BMPR2: variants seen among roughly 807,000 people sequenced by gnomAD.
BMPR2 encodes bone morphogenetic protein receptor type-2.
BMPR2 carries 29 observed loss-of-function variants against 100.8 expected under a neutral mutation model. That is an observed-to-expected ratio of 0.29 (90% CI 0.21 to 0.39). The LOEUF is 0.39. Ranked by LOEUF, BMPR2 falls within the 10% of genes least tolerant of loss-of-function variation. The pLI, the probability that BMPR2 is intolerant of heterozygous loss-of-function variation, is 1.00. For missense variants in BMPR2, 1,011 were observed against 1,274.5 expected (o/e 0.79, Z 3.15); for synonymous variants, 382 against 442.3 (o/e 0.86, Z 1.71).
Position 202,563,319 on chromosome 2 carries a change from C to T in BMPR2, c.*3373C>T, listed in dbSNP as rs922754480. The T allele has an allele frequency of 2.6e-5, 4 of 152,030 alleles. No homozygotes were observed. Among genetic ancestry groups the T allele is most frequent in the Admixed American group, 1.3e-4 (2 of 15,248 alleles). The allele number at this position is 152,030 out of a possible 1,614,324, so 9.4% of individuals were successfully genotyped here. A position where few individuals can be genotyped will look rare whatever the true frequency, so the allele number is the denominator to read the frequency against. On this transcript the variant is annotated 3_prime_UTR_variant, in exon 13 of 13. Coordinates refer to ENST00000374580, the MANE Select transcript of BMPR2 (RefSeq NM_001204.7). ...GAGCGTGGTGGTGGGCGCCTGTAGT[C>T]CCAGCTACTCAGGAGGCTAAGGCAG...
chr2:202,524,505 G>T (rs1363675734), intron 7 of BMPR2, among the ~76,000 whole-genome samples: 1 of 151,966 alleles, frequency 6.6e-6, no homozygotes, highest in East Asian at 1.9e-4. Flanking sequence ...AATAAAAGAG[G>T]CCAGGTACCA....
rs534613708 is a variant in BMPR2, at chr2:202,524,511, T to C, written c.967+4310T>C. Among the ~76,000 whole-genome samples the C allele has an allele frequency of 1.3e-3, 197 of 151,912 alleles. 1 individual carries two copies. The highest frequency in any genetic ancestry group is 4.4e-3 in the African/African-American group (181 of 41,436). ...TGAGTTTAAAATAAAAGAGGCCAGG[T>C]ACCATGGCTCACACCTGAAATCCCA... On this transcript the variant is annotated intron_variant, in intron 7 of 12. Transcript: ENST00000374580.
intron 3 of BMPR2, among the ~76,000 whole-genome samples, chr2:202,511,461 T>A (rs1477351506): frequency 6.6e-6 from 1 of 152,202 alleles, no homozygotes; most frequent in Non-Finnish European, 1.5e-5. Flanking sequence ...GGTAATTCCA[T>A]GTTTAACTTT....
chr2:202,538,463 A>G (rs1228408233), intron 9 of BMPR2, among the ~76,000 whole-genome samples: 1 of 151,336 alleles, frequency 6.6e-6, no homozygotes, highest in Non-Finnish European at 1.5e-5. Flanking sequence ...TCTCTTAAAG[A>G]AAAAAAAGAA....
chr2:202,467,481 CA>C (rs764947745), intron 2 of BMPR2, 37 bp from the exon 3 acceptor site: 4 of 1,507,346 alleles, frequency 2.7e-6, no homozygotes, highest in Non-Finnish European at 3.7e-6. Context: ...TTTTCTTTAT[CA>C]TATTGTCTCC....
intron 2 of BMPR2, chr2:202,467,135 T>C: frequency 3.4e-6 from 1 of 291,694 alleles, no homozygotes; most frequent in Non-Finnish European, 6.6e-6. Flanking sequence ...TGGTGGCACA[T>C]GCCTGTAATC....
chr2:202,406,196 T>C (rs1690887470), intron 1 of BMPR2, among the ~76,000 whole-genome samples: 2 of 152,234 alleles, frequency 1.3e-5, no homozygotes, highest in Admixed American at 1.3e-4. Context: ...TATAGGCAAG[T>C]AATAGGAGAA....
intron 3 of BMPR2, chr2:202,505,110 C>T: frequency 6.2e-6 from 1 of 162,220 alleles, no homozygotes; most frequent in Non-Finnish European, 1.4e-5. Context: ...ACCAGATAGG[C>T]CTACTGAACC....
intron 3 of BMPR2, among the ~76,000 whole-genome samples, chr2:202,498,062 C>T (rs1198927822): frequency 1.3e-5 from 2 of 152,138 alleles, no homozygotes; most frequent in Non-Finnish European, 2.9e-5. Flanking sequence ...CTCTTCCAAC[C>T]CTGGAGATCC....
intron 1 of BMPR2, among the ~76,000 whole-genome samples, chr2:202,445,056 C>T (rs1333298645): frequency 3.3e-5 from 5 of 149,898 alleles, no homozygotes; most frequent in Admixed American, 1.3e-4. Flanking sequence ...CCAAAGTGCT[C>T]GGATTACGGG....
At chr2:202,390,293 T>C (rs989437498) in intron 1 of BMPR2, among the ~76,000 whole-genome samples, 1 of 151,994 alleles carries the variant, frequency 6.6e-6, no homozygotes, top group African/African-American at 2.4e-5. Context: ...TGTACTGTCA[T>C]TTCTACCAGT....
intron 3 of BMPR2, among the ~76,000 whole-genome samples, chr2:202,473,795 T>TAAATAAAATA (rs537405726): frequency 0.011 from 1,309 of 124,234 alleles, 7 homozygotes; most frequent in Non-Finnish European, 0.015. Flanking sequence ...TGTCTCAAAA[T>TAAATAAAATA]AAATAAAATA....
intron 3 of BMPR2, among the ~76,000 whole-genome samples, chr2:202,480,094 CT>C (rs541455862): frequency 2.4e-4 from 36 of 151,786 alleles, no homozygotes; most frequent in Admixed American, 8.5e-4. Flanking sequence ...TCTAATTTAT[CT>C]TTTTTTATTT....
At chr2:202,535,369 G>C (rs1309899982) in intron 9 of BMPR2, among the ~76,000 whole-genome samples, 1 of 151,178 alleles carries the variant, frequency 6.6e-6, no homozygotes, top group Admixed American at 6.6e-5. Flanking sequence ...CTTCTCAGAC[G>C]GGGCGGCCGG....
At chr2:202,442,286 C>T (rs1691763004) in intron 1 of BMPR2, among the ~76,000 whole-genome samples, 2 of 150,506 alleles carry the variant, frequency 1.3e-5, no homozygotes, top group South Asian at 4.1e-4. Context: ...CCTATCCCAG[C>T]TGTAGGTAAG....
intron 1 of BMPR2, among the ~76,000 whole-genome samples, chr2:202,413,786 T>C (rs1691064707): frequency 6.6e-6 from 1 of 152,036 alleles, no homozygotes. Context: ...CACCTCAGTC[T>C]CTTGAATAGC....
intron 9 of BMPR2, among the ~76,000 whole-genome samples, chr2:202,536,787 G>C (rs929512147): frequency 2.7e-5 from 4 of 148,220 alleles, no homozygotes; most frequent in Non-Finnish European, 5.9e-5. Context: ...CAGGAGAATC[G>C]CTTGAACCCG....
At chr2:202,421,848 C>G (rs1691269396) in intron 1 of BMPR2, among the ~76,000 whole-genome samples, 1 of 151,876 alleles carries the variant, frequency 6.6e-6, no homozygotes, top group Non-Finnish European at 1.5e-5. Context: ...CAGGAGTACT[C>G]AAGAAATTGA....
intron 3 of BMPR2, among the ~76,000 whole-genome samples, chr2:202,477,163 T>C (rs1692567039): frequency 6.6e-6 from 1 of 152,216 alleles, no homozygotes; most frequent in Non-Finnish European, 1.5e-5. Flanking sequence ...GTATCCAATT[T>C]ATGTGGGTGT....
Sources: gnomAD v4.1 joint callset for allele counts (sites outside exome capture counted in the v4.1 genomes callset) on GRCh38, gnomAD v4.1.1 for gene constraint, MANE v1.5 for transcripts, NCBI Gene and HGNC (gene_info 2026-07-23, HGNC 2026-07-21) for gene names.